PDE4D: variants seen among roughly 807,000 people sequenced by gnomAD.
PDE4D encodes the protein phosphodiesterase 4D.
In PDE4D, 24 loss-of-function variants were observed where a neutral mutation model predicts 87.4. That is an observed-to-expected ratio of 0.27 (90% CI 0.20 to 0.39). The LOEUF (loss-of-function observed/expected upper bound fraction) is 0.39. PDE4D is among the 10% of genes least tolerant of loss of function. PDE4D has a pLI of 1.00. For missense variants in PDE4D, 714 were observed against 1,041.0 expected (o/e 0.69, Z 4.32); for synonymous variants, 384 against 383.2 (o/e 1.00, Z -0.02).
chr5:59,988,904 T>C (rs1582064415), intron 2 of PDE4D, among the ~76,000 whole-genome samples: 1 of 152,040 alleles, frequency 6.6e-6, no homozygotes, highest in African/African-American at 2.4e-5. Context: ...ATTTTTAAAA[T>C]AGCAAATTTG....
intron 1 of PDE4D, chr5:59,768,664 T>C: frequency 1.3e-6 from 2 of 1,494,650 alleles, no homozygotes; most frequent in Non-Finnish European, 1.8e-6. Context: ...TGGGGCTGGG[T>C]GCAGAGGAGG....
intron 1 of PDE4D, among the ~76,000 whole-genome samples, chr5:59,697,958 T>C (rs1328382210): frequency 6.6e-6 from 1 of 152,198 alleles, no homozygotes; most frequent in African/African-American, 2.4e-5. Context: ...TCTATAGACA[T>C]CAGTTTCAGC....
chr5:59,312,582 A>G (rs917137335), intron 1 of PDE4D, among the ~76,000 whole-genome samples: 2 of 152,216 alleles, frequency 1.3e-5, no homozygotes, highest in African/African-American at 4.8e-5. Flanking sequence ...AAAAGTCTAC[A>G]GGAAACTTAT....
At chr5:59,008,048 G>T (rs985932945) in intron 6 of PDE4D, among the ~76,000 whole-genome samples, 1 of 151,922 alleles carries the variant, frequency 6.6e-6, no homozygotes, top group African/African-American at 2.4e-5. Flanking sequence ...TTCATATATG[G>T]TAGAGACAGA....
chr5:60,458,056 T>C (rs1037920354), intron 1 of PDE4D, among the ~76,000 whole-genome samples: 2 of 152,168 alleles, frequency 1.3e-5, no homozygotes, highest in African/African-American at 2.4e-5. Context: ...AAATTACCAC[T>C]TTTCTAGTGT....
intron 2 of PDE4D, among the ~76,000 whole-genome samples, chr5:60,100,986 T>C (rs1776161202): frequency 6.6e-6 from 1 of 152,110 alleles, no homozygotes; most frequent in Admixed American, 6.5e-5. Context: ...GAGCTTGGCA[T>C]AGACACCAAA....
At chr5:60,196,215 A>G (rs1019264711) in intron 1 of PDE4D, among the ~76,000 whole-genome samples, 2 of 151,714 alleles carry the variant, frequency 1.3e-5, no homozygotes, top group African/African-American at 4.8e-5. Context: ...GCTCACCTTG[A>G]CCAGTATTTC....
At chr5:60,225,445 G>A (rs1744978744) in intron 1 of PDE4D, among the ~76,000 whole-genome samples, 1 of 144,402 alleles carries the variant, frequency 6.9e-6, no homozygotes, top group African/African-American at 2.4e-5. Context: ...CAGGTAAAAG[G>A]GATTGCATGA....
chr5:59,358,074 G>A (rs1781663964), intron 1 of PDE4D, among the ~76,000 whole-genome samples: 1 of 152,068 alleles, frequency 6.6e-6, no homozygotes, highest in South Asian at 2.1e-4. Context: ...GTACACCAAG[G>A]GAGTCTTGAA....
At chr5:59,203,876 G>C (rs1748126287) in intron 2 of PDE4D, among the ~76,000 whole-genome samples, 1 of 152,152 alleles carries the variant, frequency 6.6e-6, no homozygotes, top group Non-Finnish European at 1.5e-5. Flanking sequence ...ATGTGGAATG[G>C]GAGATGTTGG....
At chr5:59,634,063 GAA>G (rs34921368) in intron 1 of PDE4D, among the ~76,000 whole-genome samples, 3 of 150,044 alleles carry the variant, frequency 2.0e-5, no homozygotes, top group Non-Finnish European at 3.0e-5. Context: ...CAAACAGAAA[GAA>G]AAAAAAAAGG....
chr5:59,537,339 T>C (rs1023233225), intron 1 of PDE4D, among the ~76,000 whole-genome samples: 1 of 152,220 alleles, frequency 6.6e-6, no homozygotes, highest in African/African-American at 2.4e-5. Flanking sequence ...ATATGGTATG[T>C]CACATGAGTA....
intron 1 of PDE4D, among the ~76,000 whole-genome samples, chr5:60,423,465 A>T (rs1164733530): frequency 1.3e-5 from 2 of 152,252 alleles, no homozygotes; most frequent in African/African-American, 4.8e-5. Flanking sequence ...AATGAAATGA[A>T]GGCAAAAATA....
intron 1 of PDE4D, among the ~76,000 whole-genome samples, chr5:59,616,533 A>G (rs1829693955): frequency 6.6e-6 from 1 of 152,082 alleles, no homozygotes; most frequent in African/African-American, 2.4e-5. Context: ...ATTAAGTTTA[A>G]GAATAGGAAT....
At chr5:59,293,149 A>G (rs1171121032) in intron 1 of PDE4D, among the ~76,000 whole-genome samples, 2 of 152,190 alleles carry the variant, frequency 1.3e-5, no homozygotes, top group African/African-American at 4.8e-5. Context: ...AACTGAACAC[A>G]TGAGATTGCA....
chr5:59,039,223 CA>C, intron 5 of PDE4D: 1 of 1,265,706 alleles, frequency 7.9e-7, no homozygotes, highest in Non-Finnish European at 1.0e-6. Flanking sequence ...GGAGGGCGTG[CA>C]AAGAGCGGCG....
At chr5:59,072,616 T>C (rs1454147893) in intron 5 of PDE4D, among the ~76,000 whole-genome samples, 1 of 152,166 alleles carries the variant, frequency 6.6e-6, no homozygotes, top group African/African-American at 2.4e-5. Flanking sequence ...TTCTTTGTCC[T>C]TGTCATTTAT....
At chr5:59,875,133 C>A (rs1748363332) in intron 1 of PDE4D, among the ~76,000 whole-genome samples, 2 of 152,070 alleles carry the variant, frequency 1.3e-5, no homozygotes, top group African/African-American at 4.8e-5. Flanking sequence ...GATAAACTGT[C>A]CTTTGTTCAG....
At chr5:60,008,221 C>T (rs1335806675) in intron 2 of PDE4D, among the ~76,000 whole-genome samples, 1 of 151,868 alleles carries the variant, frequency 6.6e-6, no homozygotes, top group Non-Finnish European at 1.5e-5. Context: ...GCCATGAATT[C>T]CCCAGTCCTT....
Sources: allele counts gnomAD v4.1 joint callset (sites outside exome capture counted in the v4.1 genomes callset), GRCh38; gene constraint gnomAD v4.1.1; transcripts MANE v1.5; gene names NCBI Gene and HGNC (gene_info 2026-07-23, HGNC 2026-07-21).